Variants in ROR2 observed in about 807,000 individuals in gnomAD.
The protein encoded by ROR2 is ROR family WNT receptor 2.
A neutral mutation model predicts 74.9 loss-of-function variants in ROR2; 33 were observed. That is an observed-to-expected ratio of 0.44 (90% CI 0.33 to 0.59). The LOEUF (loss-of-function observed/expected upper bound fraction) is 0.59. Among genes scored for constraint, ROR2 ranks in the 20% least tolerant of loss-of-function variants. ROR2 has a pLI of 0.02. For missense variants in ROR2, 1,216 were observed against 1,313.8 expected, an observed-to-expected ratio of 0.93 and a Z score of 1.15; for synonymous variants, 586 against 558.7, an observed-to-expected ratio of 1.05 and a Z score of -0.69.
In ROR2 at chr9:91,932,571, G is replaced by A. The variant is rs190330519; in HGVS notation, c.97+17296C>T. 6.1e-3 allele frequency among the ~76,000 whole-genome samples: 926 copies of A among 152,156 alleles called. 7 individuals carry two copies. Among genetic ancestry groups the A allele is most frequent in the Middle Eastern group, 0.02 (6 of 294 alleles). On this transcript the variant is annotated intron_variant, in intron 1 of 8. Coordinates refer to ENST00000375708, the MANE Select transcript of ROR2 (RefSeq NM_004560.4). ...CCCAGCTACTTGGGAGGCTGAGGCA[G>A]GAGAATCACTTGAACCAGGGAGGCG...
At chr9:91,934,341 T>TA (rs139803808) in intron 1 of ROR2, among the ~76,000 whole-genome samples, 7,128 of 152,238 alleles carry the variant, frequency 0.047, 230 homozygotes, top group Middle Eastern at 0.065. Context: ...AGGGGCCACT[T>TA]AGAGATATCT....
At chr9:91,864,630 A>G (rs1829574657) in intron 1 of ROR2, among the ~76,000 whole-genome samples, 1 of 152,188 alleles carries the variant, frequency 6.6e-6, no homozygotes, top group Non-Finnish European at 1.5e-5. Context: ...GCGATCACTC[A>G]CACCCACTCT....
At chr9:91,901,179 T>C (rs1396842188) in intron 1 of ROR2, among the ~76,000 whole-genome samples, 1 of 152,212 alleles carries the variant, frequency 6.6e-6, no homozygotes, top group Non-Finnish European at 1.5e-5. Context: ...ATACTATAAA[T>C]AGGTATACTA....
intron 2 of ROR2, among the ~76,000 whole-genome samples, chr9:91,763,090 C>CA (rs1393849619): frequency 1.3e-5 from 2 of 152,180 alleles, no homozygotes. Flanking sequence ...CCAAATACCT[C>CA]ATGTTCTCAC....
rs374945194 is a variant in ROR2 at position 91,724,360 on chromosome 9, G to A, written c.2134C>T (p.Pro712Ser). Residue 712 changes from proline (P) to serine (S), a missense_variant, in exon 9 of 9, where the codon CCT becomes TCT. Physicochemically the swap from Pro to Ser is moderately conservative, Grantham distance 74 (BLOSUM62 -1). Transcript: ENST00000375708. ...VEMIRNRQVLPCPDDCPAWVY... is the reference protein window; with the variant it reads ...VEMIRNRQVLSCPDDCPAWVY... Reference sequence around the variant, plus strand: ...CAGGCGGGACAGTCATCGGGGCAAGGCAGCACCTGCCGGTTCCGGATCATC... The same window carrying A: ...CAGGCGGGACAGTCATCGGGGCAAGACAGCACCTGCCGGTTCCGGATCATC... 27 of 1,613,676 alleles carry A rather than the reference G, an allele frequency of 1.7e-5. No homozygotes were observed. In the African/African-American group the frequency reaches 2.4e-4, roughly 14 times the overall value.
intron 1 of ROR2, among the ~76,000 whole-genome samples, chr9:91,862,773 T>TC (rs1336784172): frequency 1.3e-5 from 2 of 152,206 alleles, no homozygotes; most frequent in Non-Finnish European, 2.9e-5. Context: ...GATCTTGGAT[T>TC]CCCAGCATCC....
At position 91,724,692 on chromosome 9, in the gene ROR2, G is replaced by T; in HGVS notation, c.1802C>A (p.Ala601Glu). The part of the protein sequence containing the change: ...DFVHLVAQIA[A>E]GMEYLSSHHV... ...GTGGCTGGATAGGTACTCCATCCCC[G>T]CCGCGATCTGTGCCACAAGGTGCAC... The change falls in exon 9 of 9, where the codon GCG becomes GAG. Residue 601 changes from alanine (A) to glutamate (E), a missense_variant. By Grantham distance (107) the Ala-to-Glu change is moderately radical. Coordinates refer to ENST00000375708, the MANE Select transcript of ROR2 (RefSeq NM_004560.4). 1 of 1,614,190 alleles carries T rather than the reference G, an allele frequency of 6.2e-7. No homozygotes were observed. The highest frequency in any genetic ancestry group is 8.5e-7 in the Non-Finnish European group (1 of 1,180,046).
chr9:91,785,880 C>T (rs189012110), intron 1 of ROR2, among the ~76,000 whole-genome samples: 60 of 152,284 alleles, frequency 3.9e-4, no homozygotes, highest in African/African-American at 1.4e-3. Context: ...GACAACATCC[C>T]CTTTTACATG....
chr9:91,925,462 CTGTATGTG>C (rs1026805349), intron 1 of ROR2, among the ~76,000 whole-genome samples: 3 of 126,158 alleles, frequency 2.4e-5, no homozygotes, highest in African/African-American at 9.9e-5. Flanking sequence ...TGTCAGCTGC[CTGTATGTG>C]TGTGTGTGTG....
chr9:91,752,333 G>A (rs886360792), intron 4 of ROR2, among the ~76,000 whole-genome samples: 4 of 152,230 alleles, frequency 2.6e-5, no homozygotes, highest in African/African-American at 9.6e-5. Flanking sequence ...AATCTGCTTA[G>A]GTGTCCTTCA....
intron 1 of ROR2, among the ~76,000 whole-genome samples, chr9:91,788,315 C>G (rs562701315): frequency 1.3e-5 from 2 of 152,042 alleles, no homozygotes; most frequent in Non-Finnish European, 2.9e-5. Flanking sequence ...TAACTGAAAA[C>G]TCACCAAGTT....
At chr9:91,776,934 G>A (rs1826440737) in intron 1 of ROR2, among the ~76,000 whole-genome samples, 1 of 152,140 alleles carries the variant, frequency 6.6e-6, no homozygotes, top group Admixed American at 6.5e-5. Context: ...CAATTTCCCT[G>A]TGGAAAAGAG....
chr9:91,889,574 C>T (rs111770662), intron 1 of ROR2, among the ~76,000 whole-genome samples: 30 of 152,306 alleles, frequency 2.0e-4, no homozygotes, highest in African/African-American at 7.2e-4. Flanking sequence ...GCTGCCCACA[C>T]CTACAGGGCG....
chr9:91,870,504 T>C (rs759611222), intron 1 of ROR2, among the ~76,000 whole-genome samples: 1 of 152,228 alleles, frequency 6.6e-6, no homozygotes. Flanking sequence ...GAATGTCTAA[T>C]TCACCATTCA....
chr9:91,868,981 C>A (rs1829716797), intron 1 of ROR2, among the ~76,000 whole-genome samples: 1 of 152,196 alleles, frequency 6.6e-6, no homozygotes, highest in Non-Finnish European at 1.5e-5. Context: ...ACTTATGTCA[C>A]CAGTAATCCC....
At chr9:91,821,683 T>A (rs1278041032) in intron 1 of ROR2, among the ~76,000 whole-genome samples, 2 of 152,224 alleles carry the variant, frequency 1.3e-5, no homozygotes, top group Non-Finnish European at 2.9e-5. Context: ...CTTTCTGCTA[T>A]CCTCAAACAT....
In ROR2 at chr9:91,749,647, T is replaced by C. The variant is rs1025226788; in HGVS notation, c.494+6424A>G. Among the ~76,000 whole-genome samples, 6 of 152,150 alleles carry C rather than the reference T, an allele frequency of 3.9e-5. No homozygotes were observed. In the South Asian group the frequency reaches 1.2e-3, roughly 32 times the overall value. On this transcript the variant is annotated intron_variant, in intron 4 of 8. Transcript: ENST00000375708. ...GGAATTCGTCCAGGAACAGAAGCTA[T>C]AGGGACAAAACAGCCTATAAGCAGA...
chr9:91,740,286 A>C (rs1035585402), intron 4 of ROR2, among the ~76,000 whole-genome samples: 3 of 151,910 alleles, frequency 2.0e-5, no homozygotes, highest in Non-Finnish European at 2.9e-5. Context: ...CGGTGGCTCA[A>C]ACCTGTAATC....
intron 1 of ROR2, among the ~76,000 whole-genome samples, chr9:91,786,964 G>C (rs558600126): frequency 6.6e-6 from 1 of 152,184 alleles, no homozygotes; most frequent in South Asian, 2.1e-4. Context: ...AAAGACCTGG[G>C]ACAGGAGAGG....
Sources: gnomAD v4.1 joint callset for allele counts (sites outside exome capture counted in the v4.1 genomes callset) on GRCh38, gnomAD v4.1.1 for gene constraint, MANE v1.5 for transcripts, NCBI Gene and HGNC (gene_info 2026-07-23, HGNC 2026-07-21) for gene names.